Variants in JAK1 observed in about 807,000 individuals in gnomAD.
The protein encoded by JAK1 is tyrosine-protein kinase JAK1.
JAK1 carries 16 observed loss-of-function variants against 136.6 expected under a neutral mutation model. That is an observed-to-expected ratio of 0.12 (90% CI 0.08 to 0.18). The LOEUF (loss-of-function observed/expected upper bound fraction) is 0.18, where lower values mean the gene tolerates loss of function less well. Among genes scored for constraint, JAK1 ranks in the 10% least tolerant of loss-of-function variants. JAK1 has a pLI of 1.00. For missense variants in JAK1, 859 were observed against 1,450.1 expected (o/e 0.59, Z 6.62); for synonymous variants, 492 against 519.5 (o/e 0.95, Z 0.72).
chr1:64,855,314 T>C (rs1349263393), intron 11 of JAK1, among the ~76,000 whole-genome samples, 195 bp downstream of exon 11: 1 of 152,236 alleles, frequency 6.6e-6, no homozygotes, highest in East Asian at 1.9e-4. Context: ...GGTATATGCC[T>C]CTTCTACAGA....
chr1:65,062,143 A>C (rs1344623731), intron 1 of JAK1, among the ~76,000 whole-genome samples: 1 of 152,134 alleles, frequency 6.6e-6, no homozygotes, highest in Non-Finnish European at 1.5e-5. Flanking sequence ...GAGACTAAAA[A>C]TTTATAAATA....
intron 5 of JAK1, among the ~76,000 whole-genome samples, chr1:64,871,284 G>A (rs541069271): frequency 6.6e-6 from 1 of 152,148 alleles, no homozygotes; most frequent in Non-Finnish European, 1.5e-5. Context: ...CAGATATACT[G>A]ATACGTGTGT....
intron 2 of JAK1, chr1:64,973,222 G>T (rs1455542770): frequency 7.1e-6 from 1 of 141,254 alleles, no homozygotes; most frequent in Non-Finnish European, 1.5e-5. Flanking sequence ...AGAAAGAAAG[G>T]AAAAGAAAGA....
intron 2 of JAK1, among the ~76,000 whole-genome samples, chr1:65,033,905 C>T (rs1442173316): frequency 1.3e-5 from 2 of 152,078 alleles, no homozygotes; most frequent in East Asian, 3.9e-4. Flanking sequence ...TTTCCCTTTT[C>T]ATGAAATGAA....
chr1:64,968,294 G>C (rs1182892780), upstream of JAK1, among the ~76,000 whole-genome samples: 1 of 148,204 alleles, frequency 6.7e-6, no homozygotes, highest in African/African-American at 2.5e-5. Flanking sequence ...AAGATTCAGA[G>C]AAAAAAAAAA....
chr1:65,027,407 A>G (rs1260973229), intron 2 of JAK1, among the ~76,000 whole-genome samples: 1 of 151,952 alleles, frequency 6.6e-6, no homozygotes, highest in Non-Finnish European at 1.5e-5. Context: ...CCCTCCTCCA[A>G]TTCCCTTGGT....
rs1370083291 is a variant in JAK1, at chr1:64,984,790, T to G, written c.-78+59690A>C. ...ATCAAGAAGGTAATGAGGAAGTCGGTGAAGATAATAAAAACGTAGGCTCCT... is the reference window on the plus strand; with the variant it reads ...ATCAAGAAGGTAATGAGGAAGTCGGGGAAGATAATAAAAACGTAGGCTCCT... On this transcript the variant is annotated intron_variant, in intron 2 of 25. Coordinates refer to the JAK1 transcript ENST00000671954. The surrounding 1 kb of genome is among the most constrained non-coding windows in gnomAD (Gnocchi z 4.1). The G allele has an allele frequency of 9.6e-7, 1 of 1,042,118 alleles. No individual in the cohort carries two copies. The highest frequency in any genetic ancestry group is 1.4e-6 in the Non-Finnish European group (1 of 690,770). The allele number at this position is 1,042,118 out of a possible 1,614,324, so 64.6% of individuals were successfully genotyped here. A position where few individuals can be genotyped will look rare whatever the true frequency, so the allele number is the denominator to read the frequency against.
chr1:64,907,650 C>A (rs1645212759), intron 1 of JAK1, among the ~76,000 whole-genome samples: 1 of 152,018 alleles, frequency 6.6e-6, no homozygotes, highest in Non-Finnish European at 1.5e-5. Flanking sequence ...CACAAGTTTA[C>A]CTATATAACA....
upstream of JAK1, among the ~76,000 whole-genome samples, chr1:64,970,134 CAAAAAAAAAA>C (rs1232133832): frequency 2.0e-5 from 1 of 49,502 alleles, no homozygotes; most frequent in Non-Finnish European, 3.1e-5. Context: ...GACCCTGTCT[CAAAAAAAAAA>C]AAAAAAAAAA....
At chr1:64,921,439 T>C (rs1645492802) in intron 1 of JAK1, among the ~76,000 whole-genome samples, 2 of 152,116 alleles carry the variant, frequency 1.3e-5, no homozygotes, top group Non-Finnish European at 2.9e-5. Context: ...TAGACAGCCC[T>C]TTGAAGTGTA....
intron 2 of JAK1, among the ~76,000 whole-genome samples, chr1:64,988,885 A>T (rs1646624868): frequency 6.7e-6 from 1 of 150,168 alleles, no homozygotes; most frequent in African/African-American, 2.4e-5. Context: ...TGAGCCCCTA[A>T]CTAAAATAAA....
intron 3 of JAK1, among the ~76,000 whole-genome samples, chr1:64,882,799 C>A (rs1644794323): frequency 6.6e-6 from 1 of 152,154 alleles, no homozygotes. Context: ...CAACTCAGCA[C>A]CACGCATGGG....
At chr1:64,968,291 A>G (rs146320239), upstream of JAK1, among the ~76,000 whole-genome samples, 1 of 152,116 alleles carries the variant, frequency 6.6e-6, no homozygotes, top group African/African-American at 2.4e-5. Flanking sequence ...ATGAAGATTC[A>G]GAGAAAAAAA....
At chr1:64,860,618 T>G (rs970822563) in intron 8 of JAK1, among the ~76,000 whole-genome samples, 2 of 151,762 alleles carry the variant, frequency 1.3e-5, no homozygotes, top group African/African-American at 2.4e-5. Context: ...CACACCTGGC[T>G]AATTTTTGTA....
At position 64,908,384 on chromosome 1, in the gene JAK1, T is replaced by C. The variant is rs576226056; in HGVS notation, c.-77-22043A>G. Reference sequence around the variant, plus strand: ...TCTCTACTGAGCCACCATTTCCACTTGTGCCATTCCTTTTTACATATTCTA... The same window carrying C: ...TCTCTACTGAGCCACCATTTCCACTCGTGCCATTCCTTTTTACATATTCTA... On this transcript the variant is annotated intron_variant, in intron 1 of 24. Transcript: ENST00000342505. Among the ~76,000 whole-genome samples the C allele has an allele frequency of 1.9e-4, 29 of 152,352 alleles. No individual in the cohort carries two copies. The East Asian group carries it at 5.2e-3, about 27-fold the overall frequency.
intron 1 of JAK1, among the ~76,000 whole-genome samples, chr1:65,061,493 T>C (rs1306237949): frequency 2.0e-5 from 3 of 152,180 alleles, no homozygotes; most frequent in East Asian, 1.9e-4. Context: ...CCTTTGAATA[T>C]CTGATTATAT....
intron 1 of JAK1, among the ~76,000 whole-genome samples, chr1:65,067,000 C>T (rs1436727834): frequency 6.6e-6 from 1 of 152,132 alleles, no homozygotes. Flanking sequence ...ACTGACACCC[C>T]AGCGAGGGCC....
At chr1:64,985,145 G>A (rs1646586176) in intron 2 of JAK1, 9 of 1,244,576 alleles carry the variant, frequency 7.2e-6, no homozygotes, top group Non-Finnish European at 9.5e-6. Flanking sequence ...CTATAGTGAA[G>A]ATAGTATTAA....
intron 1 of JAK1, among the ~76,000 whole-genome samples, chr1:64,911,964 CTCCAATAATCT>C (rs1645292762): frequency 6.6e-6 from 1 of 152,152 alleles, no homozygotes; most frequent in Non-Finnish European, 1.5e-5. Context: ...AATTCAGGCT[CTCCAATAATCT>C]TCCTCTGTTT....
Sources: gnomAD v4.1 joint callset for allele counts (sites outside exome capture counted in the v4.1 genomes callset) on GRCh38, gnomAD v4.1.1 for gene constraint, Gnocchi (gnomAD v3.1) non-coding constraint, MANE v1.5 for transcripts, NCBI Gene and HGNC (gene_info 2026-07-23, HGNC 2026-07-21) for gene names.